The following PCSK6 variants were observed in gnomAD, a reference collection of about 807,000 sequenced individuals.
PCSK6 encodes proprotein convertase subtilisin/kexin type 6.
PCSK6 carries 85 observed loss-of-function variants against 123.3 expected under a neutral mutation model. The observed-to-expected ratio is 0.69, with a 90% CI of 0.58 to 0.83. The LOEUF is 0.83. PCSK6 is among the 40% of genes least tolerant of loss of function. PCSK6 has a pLI of 0.00. For missense variants in PCSK6, 1,191 were observed against 1,282.3 expected (o/e 0.93, Z 1.09); for synonymous variants, 508 against 516.0 (o/e 0.98, Z 0.21).
At chr15:101,316,800 A>G (rs930389567) in intron 19 of PCSK6, among the ~76,000 whole-genome samples, 2 of 151,532 alleles carry the variant, frequency 1.3e-5, no homozygotes, top group African/African-American at 4.9e-5. Context: ...TACGGCAGGG[A>G]GCTGCATGGG....
In PCSK6 at chr15:101,430,121, A is replaced by G. The variant is rs754307879; in HGVS notation, c.658-58T>C. On this transcript the variant is annotated intron_variant, in intron 4 of 21. Transcript: ENST00000611716. ...ATGGCATGTGACAGCTCTGTTTGAA[A>G]TGGATTTTATGTTCCGTTGGCAAAT... is the stretch of plus-strand genomic sequence containing the variant. 6 of 1,372,088 alleles carry G rather than the reference A, an allele frequency of 4.4e-6. No individual in the cohort carries two copies. The South Asian group carries it at 4.7e-5, about 11-fold the overall frequency. The allele number at this position is 1,372,088 out of a possible 1,614,324, so 85.0% of individuals were successfully genotyped here.
chr15:101,331,751 C>G, intron 14 of PCSK6, 62 bp from the exon 15 acceptor site: 1 of 1,600,496 alleles, frequency 6.2e-7, no homozygotes, highest in Non-Finnish European at 8.5e-7. Context: ...ACACAACCAT[C>G]AGCCCCACCT....
intron 1 of PCSK6, among the ~76,000 whole-genome samples, chr15:101,476,731 T>A (rs950205984): frequency 6.6e-6 from 1 of 152,324 alleles, no homozygotes; most frequent in African/African-American, 2.4e-5. Flanking sequence ...TGGATTTTGC[T>A]TTGTACACCT....
intron 1 of PCSK6, among the ~76,000 whole-genome samples, chr15:101,457,185 T>C (rs1193633138): frequency 6.6e-6 from 1 of 151,240 alleles, no homozygotes; most frequent in Non-Finnish European, 1.5e-5. Flanking sequence ...AATAAATAAA[T>C]AAATAAAAAT....
At chr15:101,488,190 A>T (rs2058064252) in intron 1 of PCSK6, among the ~76,000 whole-genome samples, 2 of 152,216 alleles carry the variant, frequency 1.3e-5, no homozygotes, top group South Asian at 4.1e-4. Flanking sequence ...ACTACATTTA[A>T]CACTGCCTGG....
chr15:101,395,008 G>A (rs577811921), intron 7 of PCSK6, among the ~76,000 whole-genome samples: 4 of 152,336 alleles, frequency 2.6e-5, no homozygotes, highest in Admixed American at 6.5e-5. Flanking sequence ...GTGTGTGCAC[G>A]TGATTACCTG....
intron 1 of PCSK6, among the ~76,000 whole-genome samples, chr15:101,447,701 AG>A (rs2056926567): frequency 1.3e-5 from 2 of 152,252 alleles, no homozygotes; most frequent in Admixed American, 1.3e-4. Flanking sequence ...CCCTGATGGC[AG>A]GTGTTCCTCC....
chr15:101,489,284 G>C, intron 1 of PCSK6, 90 bp downstream of exon 1: 4 of 848,404 alleles, frequency 4.7e-6, no homozygotes, highest in Non-Finnish European at 5.7e-6. Flanking sequence ...CGGGGCCGGG[G>C]CCGGGCGGAC....
chr15:101,351,477 C>T (rs1294456108), intron 13 of PCSK6, among the ~76,000 whole-genome samples: 1 of 152,160 alleles, frequency 6.6e-6, no homozygotes, highest in Admixed American at 6.5e-5. Flanking sequence ...AATATTTACG[C>T]TGGAAAGACA....
At chr15:101,484,757 T>A (rs1457725677) in intron 1 of PCSK6, among the ~76,000 whole-genome samples, 1 of 152,216 alleles carries the variant, frequency 6.6e-6, no homozygotes, top group Non-Finnish European at 1.5e-5. Context: ...TTGCCTTTTT[T>A]CTCTCTCAAC....
At chr15:101,373,535 T>C (rs2141476697) in intron 11 of PCSK6, among the ~76,000 whole-genome samples, 1 of 152,322 alleles carries the variant, frequency 6.6e-6, no homozygotes. Flanking sequence ...GTGGTTGCTA[T>C]TGAAACCATT....
At chr15:101,383,977 C>A in intron 10 of PCSK6, 1 of 383,536 alleles carries the variant, frequency 2.6e-6, no homozygotes. Context: ...TCAAGCAATC[C>A]TCCTGCCTCA....
chr15:101,462,381 A>G lies in PCSK6; in HGVS notation c.298-18721T>C, dbSNP rs538168433. Among the ~76,000 whole-genome samples, 15 of 152,380 alleles carry G rather than the reference A, an allele frequency of 9.8e-5. 1 individual carries two copies. In the South Asian group the frequency reaches 3.1e-3, roughly 32 times the overall value. On this transcript the variant is annotated intron_variant, in intron 1 of 21. Transcript: ENST00000611716. ...TAGATAGATGTATATATTAAATAAA[A>G]TTTCAGTCAAAATCCCAACAGCTTT...
At chr15:101,430,674 A>T (rs1199624623) in intron 4 of PCSK6, among the ~76,000 whole-genome samples, 1 of 152,202 alleles carries the variant, frequency 6.6e-6, no homozygotes, top group African/African-American at 2.4e-5. Flanking sequence ...TGCAAAATTC[A>T]TTTCTAAGGG....
intron 18 of PCSK6, 79 bp from the exon 19 acceptor site, chr15:101,318,501 G>T (rs1273249990): frequency 8.4e-7 from 1 of 1,196,358 alleles, no homozygotes; most frequent in Non-Finnish European, 1.2e-6. Context: ...CCTTTCCCAA[G>T]AGGAGATGTA....
intron 15 of PCSK6, 102 bp from the exon 16 acceptor site, chr15:101,326,581 G>T: frequency 3.4e-6 from 4 of 1,178,670 alleles, no homozygotes; most frequent in Non-Finnish European, 4.8e-6. Flanking sequence ...GGCAGGGTTG[G>T]GAGACGCTCC....
At chr15:101,468,206 T>C (rs769265698) in intron 1 of PCSK6, among the ~76,000 whole-genome samples, 5 of 152,152 alleles carry the variant, frequency 3.3e-5, no homozygotes, top group Non-Finnish European at 7.4e-5. Flanking sequence ...GTTTGTGGGT[T>C]AGCAGTAAGT....
At position 101,443,541 on chromosome 15, in the gene PCSK6, C is replaced by T. The variant is rs1334368902; in HGVS notation, c.402+15G>A. On this transcript the variant is annotated intron_variant, in intron 2 of 21. Coordinates refer to ENST00000611716, the MANE Select transcript of PCSK6 (RefSeq NM_002570.5). ...AACCCTCCAGCCCTTAGGAAAGCAT[C>T]CGGACACTCTGTACCTGGGGGTCCA... The T allele has an allele frequency of 6.3e-7, 1 of 1,578,224 alleles. No individual in the cohort carries two copies. Among genetic ancestry groups the T allele is most frequent in the Admixed American group, 1.7e-5 (1 of 59,904 alleles).
intron 20 of PCSK6, among the ~76,000 whole-genome samples, chr15:101,312,658 C>T (rs561542582): frequency 4.6e-5 from 7 of 152,248 alleles, no homozygotes; most frequent in East Asian, 1.9e-4. Flanking sequence ...TGGTGAAACC[C>T]GGTCTCTATT....
Sources: allele counts gnomAD v4.1 joint callset (sites outside exome capture counted in the v4.1 genomes callset), GRCh38; gene constraint gnomAD v4.1.1; transcripts MANE v1.5; gene names NCBI Gene and HGNC (gene_info 2026-07-23, HGNC 2026-07-21).